The following PCDHA11 variants were observed in gnomAD, a reference collection of about 807,000 sequenced individuals.
The protein encoded by PCDHA11 is protocadherin alpha-11.
In PCDHA11, 61 loss-of-function variants were observed where a neutral mutation model predicts 70.3. The observed-to-expected ratio is 0.87, with a 90% confidence interval of 0.71 to 1.07. PCDHA11 has a LOEUF of 1.07. Ranked by LOEUF, PCDHA11 falls within the 50% of genes least tolerant of loss-of-function variation. The pLI is 0.00. For synonymous variants in PCDHA11, 633 were observed against 555.1 expected, an observed-to-expected ratio of 1.14 and a Z score of -1.97; for missense variants, 1,324 against 1,237.5, an observed-to-expected ratio of 1.07 and a Z score of -1.05.
At chr5:140,924,263 G>T (rs1292368780) in intron 1 of PCDHA11, among the ~76,000 whole-genome samples, 3 of 152,148 alleles carry the variant, frequency 2.0e-5, no homozygotes, top group African/African-American at 7.2e-5. Context: ...ATCTAATGAG[G>T]TCTGTACTTG....
rs782597550 is a variant in PCDHA11 at position 140,934,018 on chromosome 5, TG to T, written c.2392-44929del. ...ACCTCTCATTTTTCTTGACTAGACTTGGAAGTAGTTTATTAATGATATTAGT... is the reference window on the plus strand; with the variant it reads ...ACCTCTCATTTTTCTTGACTAGACTTGAAGTAGTTTATTAATGATATTAGT... On this transcript the variant is annotated intron_variant, in intron 1 of 3. Coordinates refer to ENST00000398640, the MANE Select transcript of PCDHA11 (RefSeq NM_018902.5). Among the ~76,000 whole-genome samples the T allele has an allele frequency of 2.6e-4, 40 of 152,182 alleles. 1 individual carries two copies. The highest frequency in any genetic ancestry group is 3.4e-3 in the Middle Eastern group (1 of 294).
intron 1 of PCDHA11, among the ~76,000 whole-genome samples, chr5:140,941,983 A>G (rs2093212614): frequency 6.6e-6 from 1 of 152,198 alleles, no homozygotes; most frequent in Non-Finnish European, 1.5e-5. Context: ...CTAAACCTTG[A>G]TAAGGGATTC....
intron 1 of PCDHA11, chr5:140,967,579 C>T: frequency 7.4e-6 from 12 of 1,614,154 alleles, no homozygotes; most frequent in Non-Finnish European, 9.3e-6. Context: ...AGGACTCACC[C>T]CCAGGCACAT....
At position 141,010,632 on chromosome 5, in the gene PCDHA11, A is replaced by G. The variant is rs782191972; in HGVS notation, c.*695A>G. The G allele has an allele frequency of 1.6e-5, 3 of 185,902 alleles. No individual in the cohort carries two copies. Among genetic ancestry groups the G allele is most frequent in the Non-Finnish European group, 3.4e-5 (3 of 88,214 alleles). The allele number at this position is 185,902 out of a possible 1,614,324, so 11.5% of individuals were successfully genotyped here. On this transcript the variant is annotated 3_prime_UTR_variant, in exon 4 of 4. Coordinates refer to ENST00000398640, the MANE Select transcript of PCDHA11 (RefSeq NM_018902.5). ...ACCTAAAATCTGCATCATACCTGCAAGCCAACAGTTCAGTGTTTTAACAGA... is the reference window on the plus strand; with the variant it reads ...ACCTAAAATCTGCATCATACCTGCAGGCCAACAGTTCAGTGTTTTAACAGA...
intron 1 of PCDHA11, chr5:140,876,174 T>A: frequency 6.2e-7 from 1 of 1,613,934 alleles, no homozygotes; most frequent in Non-Finnish European, 8.5e-7. Context: ...CCGTCCTGGA[T>A]GTGAATGACA....
intron 1 of PCDHA11, among the ~76,000 whole-genome samples, chr5:140,915,632 CT>C (rs782761734): frequency 6.2e-5 from 9 of 144,496 alleles, no homozygotes; most frequent in Non-Finnish European, 1.3e-4. Context: ...TTCTGTCTCT[CT>C]CTCTCTCTCT....
intron 1 of PCDHA11, among the ~76,000 whole-genome samples, chr5:140,917,128 C>T (rs2077898518): frequency 6.6e-6 from 1 of 152,044 alleles, no homozygotes; most frequent in Non-Finnish European, 1.5e-5. Flanking sequence ...GCAGACTCCC[C>T]ACGTTGCTCA....
At chr5:141,001,794 T>C (rs2098037139) in intron 3 of PCDHA11, among the ~76,000 whole-genome samples, 1 of 152,184 alleles carries the variant, frequency 6.6e-6, no homozygotes, top group Non-Finnish European at 1.5e-5. Flanking sequence ...CCTGAGTATA[T>C]ACTATCATTC....
intron 1 of PCDHA11, among the ~76,000 whole-genome samples, chr5:140,962,185 C>T (rs782495435): frequency 6.6e-5 from 10 of 152,126 alleles, no homozygotes; most frequent in Non-Finnish European, 1.3e-4. Flanking sequence ...ACTTATATCA[C>T]TTTTATGCTT....
intron 1 of PCDHA11, among the ~76,000 whole-genome samples, chr5:140,940,027 G>A (rs1554213088): frequency 6.6e-6 from 1 of 152,058 alleles, no homozygotes; most frequent in Non-Finnish European, 1.5e-5. Context: ...TATGTTTTAA[G>A]GCTATTTTAT....
chr5:140,991,386 G>T (rs1044991848), intron 3 of PCDHA11, among the ~76,000 whole-genome samples: 2 of 152,168 alleles, frequency 1.3e-5, no homozygotes, highest in African/African-American at 4.8e-5. Context: ...CAACTGTAGG[G>T]TGTCTGTATT....
intron 1 of PCDHA11, chr5:140,926,863 G>A: frequency 1.3e-6 from 2 of 1,523,054 alleles, no homozygotes; most frequent in Non-Finnish European, 8.8e-7. Flanking sequence ...GGTGTAGCGT[G>A]TTGGTGGAAC....
chr5:140,929,532 G>T, intron 1 of PCDHA11: 1 of 602,214 alleles, frequency 1.7e-6, no homozygotes, highest in Non-Finnish European at 2.5e-6. Flanking sequence ...TTATTTTTGA[G>T]AAACAAGGGC....
chr5:140,978,834 C>A (rs1294349430), intron 1 of PCDHA11, 115 bp from the exon 2 acceptor site: 3 of 1,546,580 alleles, frequency 1.9e-6, no homozygotes, highest in Non-Finnish European at 2.6e-6. Context: ...ATGGCTCATT[C>A]AATACTTTTT....
chr5:140,886,753 G>A (rs1434667485), intron 1 of PCDHA11, among the ~76,000 whole-genome samples: 3 of 151,010 alleles, frequency 2.0e-5, no homozygotes, highest in African/African-American at 7.3e-5. Flanking sequence ...TTGAACCCGG[G>A]AGGTGGAGGT....
rs959374162 is a variant in PCDHA11, at chr5:140,869,504, C to A, written c.401C>A (p.Ser134Ter). The change falls in exon 1 of 4, where the codon TCG (serine) becomes TAG (stop). Residue 134 changes from serine to a stop codon, truncating the protein, a stop_gained. Coordinates refer to ENST00000398640, the MANE Select transcript of PCDHA11 (RefSeq NM_018902.5). LOFTEE classifies it high-confidence loss of function. Reference protein sequence around the residue: ...KDINDNPPVFSLREQKLLIAE... With the variant: ...KDINDNPPVF ...ATTAACGACAACCCGCCGGTGTTCT[C>A]GCTCAGAGAACAAAAGCTGCTGATT... is the stretch of plus-strand genomic sequence containing the variant. 3.1e-6 allele frequency: 5 copies of A among 1,614,200 alleles called. No individual in the cohort carries two copies. The highest frequency in any genetic ancestry group is 4.2e-6 in the Non-Finnish European group (5 of 1,180,032).
At chr5:140,874,317 A>G (rs1423586280) in intron 1 of PCDHA11, among the ~76,000 whole-genome samples, 2 of 151,836 alleles carry the variant, frequency 1.3e-5, no homozygotes, top group Admixed American at 1.3e-4. Flanking sequence ...GAGTTGTAGG[A>G]TCTTATCTGT....
rs139607260 is a variant in PCDHA11, at chr5:140,954,243, A to C, written c.2392-24706A>C. ...TATTGTGAATAGTGCTGCAATGAAC[A>C]TACACATGCAGGTATCTTTATAATA... On this transcript the variant is annotated intron_variant, in intron 1 of 3. Transcript: ENST00000398640. Among the ~76,000 whole-genome samples the C allele has an allele frequency of 3.2e-4, 49 of 152,350 alleles. No individual in the cohort carries two copies. In the East Asian group the frequency reaches 9.1e-3, roughly 28 times the overall value.
chr5:140,876,792 A>G (rs782210017), intron 1 of PCDHA11: 98 of 1,613,998 alleles, frequency 6.1e-5, no homozygotes, highest in Non-Finnish European at 7.5e-5. Flanking sequence ...CCACGGCTAG[A>G]GTGTCCGTGG....
Sources: gnomAD v4.1 joint callset for allele counts (sites outside exome capture counted in the v4.1 genomes callset) on GRCh38, gnomAD v4.1.1 for gene constraint, MANE v1.5 for transcripts, NCBI Gene and HGNC (gene_info 2026-07-23, HGNC 2026-07-21) for gene names.